CTDP1: variants seen among roughly 807,000 people sequenced by gnomAD.
The protein encoded by CTDP1 is RNA polymerase II subunit A C-terminal domain phosphatase.
Under a neutral mutation model 91.8 loss-of-function variants are expected in CTDP1, and 47 were observed. That is an observed-to-expected ratio of 0.51 (90% CI 0.41 to 0.65). The LOEUF (loss-of-function observed/expected upper bound fraction) is 0.65, where lower values mean the gene tolerates loss of function less well. Ranked by LOEUF, CTDP1 falls within the 30% of genes least tolerant of loss-of-function variation. The probability of loss-of-function intolerance (pLI) is 0.00; values close to 1 mark genes in which losing one functional copy is unlikely to be tolerated. For synonymous variants in CTDP1, 656 were observed against 598.5 expected (o/e 1.10, Z -1.40); for missense variants, 1,272 against 1,373.7 (o/e 0.93, Z 1.17).
rs1265021110 is a variant in CTDP1, at chr18:79,680,225, A to C, written c.278A>C (p.Glu93Ala). 3 of 1,355,000 alleles carry C rather than the reference A, an allele frequency of 2.2e-6. No individual in the cohort carries two copies. The highest frequency in any genetic ancestry group is 2.8e-6 in the Non-Finnish European group (3 of 1,061,456). 83.9% of individuals were successfully genotyped at this position (1,355,000 alleles called of 1,614,324 possible). A position where few individuals can be genotyped will look rare whatever the true frequency, so the allele number is the denominator to read the frequency against. ...LRSERAGVVR[E>A]LCAQPGQVVA... ...TCGGAGCGCGCGGGCGTGGTGCGGGAGCTGTGCGCGCAGCCGGGCCAGGTG... is the reference window on the plus strand; with the variant it reads ...TCGGAGCGCGCGGGCGTGGTGCGGGCGCTGTGCGCGCAGCCGGGCCAGGTG... Residue 93 changes from glutamate (E) to alanine (A), a missense_variant, in exon 1 of 13, where the codon GAG (glutamate) becomes GCG (alanine). Coordinates refer to ENST00000613122, the MANE Select transcript of CTDP1 (RefSeq NM_004715.5).
At chr18:79,702,900 A>T (rs1244892074) in intron 4 of CTDP1, 1 of 152,468 alleles carries the variant, frequency 6.6e-6, no homozygotes, top group African/African-American at 2.4e-5. Context: ...GGAAGGTGAC[A>T]GTGTCCTGAT....
intron 8 of CTDP1, among the ~76,000 whole-genome samples, chr18:79,717,043 C>T (rs576643284): frequency 5.3e-5 from 8 of 149,972 alleles, no homozygotes; most frequent in African/African-American, 2.0e-4. Flanking sequence ...TGGGTAAAGG[C>T]CCTGAGTCCT....
chr18:79,741,883 G>A (rs766614949), intron 12 of CTDP1, among the ~76,000 whole-genome samples: 4 of 152,156 alleles, frequency 2.6e-5, no homozygotes, highest in Non-Finnish European at 4.4e-5. Context: ...GGAGAGAGAG[G>A]AGCAGAAAAA....
intron 6 of CTDP1, among the ~76,000 whole-genome samples, chr18:79,711,501 C>T (rs1419010439): frequency 5.9e-5 from 9 of 152,148 alleles, no homozygotes; most frequent in Non-Finnish European, 1.0e-4. Context: ...AGGGAGGTGG[C>T]AGTCGAAAGG....
intron 1 of CTDP1, among the ~76,000 whole-genome samples, chr18:79,692,643 C>G (rs2085649143): frequency 6.6e-6 from 1 of 152,148 alleles, no homozygotes; most frequent in Non-Finnish European, 1.5e-5. Context: ...AGGAGGAGCC[C>G]GCGGTGAGCT....
At position 79,697,890 on chromosome 18, in the gene CTDP1, C is replaced by T; in HGVS notation, c.523C>T (p.Gln175Ter). 6.2e-7 allele frequency: 1 copy of T among 1,614,224 alleles called. No individual in the cohort carries two copies. Among genetic ancestry groups the T allele is most frequent in the African/African-American group, 1.3e-5 (1 of 75,052 alleles). ...QAEQLGREDQ[Q>*]RLHRNRKLVL... ...TGAACAGCTGGGAAGAGAAGACCAG[C>T]AGCGACTGCACCGAAACCGGAAGCT... Residue 175 changes from glutamine to a stop codon, truncating the protein, a stop_gained, in exon 4 of 13, where the codon CAG (glutamine) becomes TAG (stop). Transcript: ENST00000613122. LOFTEE classifies it high-confidence loss of function.
intron 10 of CTDP1, among the ~76,000 whole-genome samples, chr18:79,725,523 A>AT (rs373692705): frequency 0.055 from 8,071 of 145,820 alleles, 288 homozygotes; most frequent in South Asian, 0.17. Context: ...TACCTTCTCT[A>AT]TTTTTTTTTT....
chr18:79,714,684 C>G lies in CTDP1; in HGVS notation c.1224C>G (p.Pro408=), dbSNP rs780939465. ...AGCCAGACGAGAGGGACATCTGGCC[C>G]CCTGCCCAGGCCCCCACCAGCAGCC... ...PGKPDERDIW[P]PAQAPTSSQE... Residue 408 remains proline, a synonymous_variant, in exon 8 of 13, where the codon CCC becomes CCG. Transcript: ENST00000613122. 6.2e-7 allele frequency: 1 copy of G among 1,610,588 alleles called. No individual in the cohort carries two copies. The highest frequency in any genetic ancestry group is 1.1e-5 in the South Asian group (1 of 90,878).
intron 3 of CTDP1, among the ~76,000 whole-genome samples, chr18:79,696,509 C>T (rs2085750573): frequency 7.0e-6 from 1 of 142,918 alleles, no homozygotes; most frequent in Admixed American, 6.9e-5. Flanking sequence ...GGCGAGGAGT[C>T]GGTGGCCGGG....
intron 4 of CTDP1, among the ~76,000 whole-genome samples, chr18:79,703,309 A>G (rs1343454565): frequency 6.6e-6 from 1 of 152,206 alleles, no homozygotes; most frequent in African/African-American, 2.4e-5. Context: ...GAAAAATGTA[A>G]CTGAGCTTAA....
In CTDP1 at chr18:79,727,165, G is replaced by A. The variant is rs1465256898; in HGVS notation, c.2418-1742G>A. Reference sequence around the variant, plus strand: ...TTCTCTGAGACCCCAGAGGTGGGGTGTTTGGCGGGAGTAGAGCAGTTATCA... The same window carrying A: ...TTCTCTGAGACCCCAGAGGTGGGGTATTTGGCGGGAGTAGAGCAGTTATCA... On this transcript the variant is annotated intron_variant, in intron 10 of 12. Transcript: ENST00000613122. Among the ~76,000 whole-genome samples the A allele has an allele frequency of 2.6e-5, 4 of 152,214 alleles. No homozygotes were observed. In the East Asian group the frequency reaches 5.8e-4, roughly 22 times the overall value.
chr18:79,687,687 A>C (rs868355753), intron 1 of CTDP1, among the ~76,000 whole-genome samples: 2 of 81,058 alleles, frequency 2.5e-5, no homozygotes, highest in East Asian at 8.1e-4. Flanking sequence ...GCAGCAGTTG[A>C]CTTCTCCAGT....
intron 3 of CTDP1, among the ~76,000 whole-genome samples, chr18:79,697,427 A>C (rs1373457837): frequency 6.6e-6 from 1 of 152,246 alleles, no homozygotes; most frequent in East Asian, 1.9e-4. Flanking sequence ...GCACAAGAAT[A>C]GGCTGAGCGT....
intron 12 of CTDP1, among the ~76,000 whole-genome samples, chr18:79,741,656 C>T (rs2086780239): frequency 6.6e-6 from 1 of 152,206 alleles, no homozygotes; most frequent in Non-Finnish European, 1.5e-5. Context: ...ACCCAGATCC[C>T]AACACTCAGC....
At chr18:79,723,949 G>A (rs1416679106) in intron 10 of CTDP1, among the ~76,000 whole-genome samples, 1 of 152,210 alleles carries the variant, frequency 6.6e-6, no homozygotes, top group Non-Finnish European at 1.5e-5. Flanking sequence ...TTGCGGAGCC[G>A]GGTCTCATGG....
At chr18:79,712,546 T>A (rs954427185) in intron 6 of CTDP1, among the ~76,000 whole-genome samples, 2 of 152,204 alleles carry the variant, frequency 1.3e-5, no homozygotes, top group Admixed American at 1.3e-4. Context: ...CCTCCCGAAG[T>A]GCTGGAATTG....
chr18:79,716,051 A>G (rs914975658), intron 8 of CTDP1, among the ~76,000 whole-genome samples: 2 of 152,176 alleles, frequency 1.3e-5, no homozygotes, highest in African/African-American at 4.8e-5. Flanking sequence ...GAATAAAACA[A>G]CCTTTCAGCA....
Position 79,712,882 on chromosome 18 carries a change from G to T in CTDP1, c.864-90G>T, listed in dbSNP as rs2086111722. ...ACCTGCTGTCTGCTGGTTACATGTG[G>T]ATTAGAATCTTAAACTGTTACGCTT... On this transcript the variant is annotated intron_variant, in intron 6 of 12. Coordinates refer to ENST00000613122, the MANE Select transcript of CTDP1 (RefSeq NM_004715.5). 2.1e-6 allele frequency: 3 copies of T among 1,396,048 alleles called. No individual in the cohort carries two copies. The East Asian group carries it at 7.0e-5, about 32-fold the overall frequency. 86.5% of individuals were successfully genotyped at this position (1,396,048 alleles called of 1,614,324 possible).
intron 1 of CTDP1, among the ~76,000 whole-genome samples, chr18:79,689,982 C>T (rs1178203900): frequency 6.6e-6 from 1 of 152,190 alleles, no homozygotes; most frequent in Non-Finnish European, 1.5e-5. Context: ...TGCTGCTCTC[C>T]TGGCCACAGT....
Sources: allele counts gnomAD v4.1 joint callset (sites outside exome capture counted in the v4.1 genomes callset), GRCh38; gene constraint gnomAD v4.1.1; transcripts MANE v1.5; gene names NCBI Gene and HGNC (gene_info 2026-07-23, HGNC 2026-07-21).